BRMS1: variants seen among roughly 807,000 people sequenced by gnomAD.
BRMS1 encodes breast cancer metastasis-suppressor 1.
In BRMS1, 26 loss-of-function variants were observed where a neutral mutation model predicts 40.4. That is an observed-to-expected ratio of 0.64 (90% CI 0.47 to 0.89). The LOEUF is 0.89. Among genes scored for constraint, BRMS1 ranks in the 40% least tolerant of loss-of-function variants. The pLI, the probability that BRMS1 is intolerant of heterozygous loss-of-function variation, is 0.00. For synonymous variants in BRMS1, 103 were observed against 116.0 expected (o/e 0.89, Z 0.72); for missense variants, 289 against 309.4 (o/e 0.93, Z 0.49).
chr11:66,338,578 G>A lies in BRMS1; in HGVS notation c.693+143C>T, dbSNP rs1246495941. The stretch of plus-strand genomic sequence containing the variant: ...CCGCCTTGAGCAAGAGGACTTGTGA[G>A]CCAACTGCGATCCAGGGACTCTGGG... On this transcript the variant is annotated intron_variant, in intron 8 of 9. Transcript: ENST00000359957. 7 of 1,552,230 alleles carry A rather than the reference G, an allele frequency of 4.5e-6. 1 individual carries two copies. The highest frequency in any genetic ancestry group is 1.9e-5 in the Admixed American group (1 of 51,818).
chr11:66,338,691 G>T (rs1379382422), intron 8 of BRMS1, 30 bp downstream of exon 8: 4 of 1,613,168 alleles, frequency 2.5e-6, no homozygotes, highest in Non-Finnish European at 3.4e-6. Context: ...CTGAGGTGGG[G>T]CAGGTCACGT....
Position 66,341,279 on chromosome 11 carries a change from A to G in BRMS1, c.285T>C (p.Ala95=), listed in dbSNP as rs762390912. 6.2e-7 allele frequency: 1 copy of G among 1,613,572 alleles called. No individual in the cohort carries two copies. The highest frequency in any genetic ancestry group is 1.1e-5 in the South Asian group (1 of 91,076). The change falls in exon 4 of 10, where the codon GCT becomes GCC. Residue 95 remains alanine (A), a synonymous_variant. Coordinates refer to ENST00000359957, the MANE Select transcript of BRMS1 (RefSeq NM_015399.4). The surrounding 1 kb of genome is among the most constrained non-coding windows in gnomAD (Gnocchi z 4.9). ...QLRLRLEEVG[A]ERAPEYTEPL... is the part of the protein sequence containing the mutation. ...GCTCCGTGTATTCAGGGGCTCTCTC[A>G]GCCCCCACTTCCTCCAGCCGCAACC...
Position 66,341,518 on chromosome 11 carries a change from T to C in BRMS1, c.230+15A>G. On this transcript the variant is annotated intron_variant, in intron 3 of 9. Transcript: ENST00000359957. This position sits in a 1 kb window ranked among gnomAD's most constrained non-coding sequence, Gnocchi z 4.9. ...AGATCCTCGCAGACCCAGCCCAAGG[T>C]GTCCCCACGCTCACTTCTCCTTTAG... is the stretch of plus-strand genomic sequence containing the variant. 6.2e-7 allele frequency: 1 copy of C among 1,613,378 alleles called. No homozygotes were observed. Among genetic ancestry groups the C allele is most frequent in the South Asian group, 1.1e-5 (1 of 91,068 alleles).
rs754723425 is a variant in BRMS1, at chr11:66,341,527, G to C, written c.230+6C>G. On this transcript the variant is annotated splice_donor_region_variant and intron_variant, in intron 3 of 9. Coordinates refer to ENST00000359957, the MANE Select transcript of BRMS1 (RefSeq NM_015399.4). The surrounding 1 kb of genome is among the most constrained non-coding windows in gnomAD (Gnocchi z 4.9). The stretch of plus-strand genomic sequence containing the variant: ...CAGACCCAGCCCAAGGTGTCCCCAC[G>C]CTCACTTCTCCTTTAGCTCCGAGAA... 1.9e-6 allele frequency: 3 copies of C among 1,613,590 alleles called. No individual in the cohort carries two copies. Among genetic ancestry groups the C allele is most frequent in the Non-Finnish European group, 2.5e-6 (3 of 1,179,674 alleles).
chr11:66,340,084 C>T (rs188771254), intron 7 of BRMS1, 37 bp downstream of exon 7: 1 of 1,589,624 alleles, frequency 6.3e-7, no homozygotes, highest in South Asian at 1.1e-5. Flanking sequence ...ACCCTTACAT[C>T]CTGCCCACTT....
At chr11:66,344,688 G>A (rs955653939) in intron 1 of BRMS1, 5 of 152,302 alleles carry the variant, frequency 3.3e-5, no homozygotes, top group Admixed American at 2.0e-4. Flanking sequence ...CTGTACACAG[G>A]CAATTTATCT....
chr11:66,337,934 T>G (rs542023167), intron 9 of BRMS1, 45 bp from the exon 10 acceptor site: 1 of 1,583,646 alleles, frequency 6.3e-7, no homozygotes, highest in Non-Finnish European at 8.6e-7. Context: ...GTTAGGAAGC[T>G]GAAAGGAAGG....
At chr11:66,338,565 A>G (rs1854991656) in intron 8 of BRMS1, 156 bp downstream of exon 8, 2 of 1,546,212 alleles carry the variant, frequency 1.3e-6, no homozygotes. Context: ...GCCTTGAGCA[A>G]GAGGACTTGT....
intron 8 of BRMS1, 43 bp downstream of exon 8, chr11:66,338,678 G>A (rs1457757102): frequency 1.1e-5 from 17 of 1,613,304 alleles, no homozygotes; most frequent in Admixed American, 1.7e-5. Flanking sequence ...AGGGTGGGGG[G>A]CCCTGAGGTG....
Position 66,340,767 on chromosome 11 carries a change from C to G in BRMS1, c.535+7G>C, listed in dbSNP as rs748352609. 11 of 1,608,814 alleles carry G rather than the reference C, an allele frequency of 6.8e-6. No homozygotes were observed. Among genetic ancestry groups the G allele is most frequent in the East Asian group, 2.2e-5 (1 of 44,840 alleles). Reference sequence around the variant, plus strand: ...CAGTTCCGGGGTGCCCAGGCTCTCGCGCTTACCAGAGCTGAGGTCCAGGCT... The same window carrying G: ...CAGTTCCGGGGTGCCCAGGCTCTCGGGCTTACCAGAGCTGAGGTCCAGGCT... On this transcript the variant is annotated splice_region_variant and intron_variant, in intron 6 of 9. Coordinates refer to ENST00000359957, the MANE Select transcript of BRMS1 (RefSeq NM_015399.4).
At chr11:66,338,669 G>T (rs756382108) in intron 8 of BRMS1, 52 bp downstream of exon 8, 2 of 1,613,356 alleles carry the variant, frequency 1.2e-6, no homozygotes, top group African/African-American at 1.3e-5. Context: ...GCTGCTGCCA[G>T]GGTGGGGGGC....
chr11:66,343,812 C>A (rs1050809078), intron 1 of BRMS1, among the ~76,000 whole-genome samples: 1 of 151,716 alleles, frequency 6.6e-6, no homozygotes, highest in Admixed American at 6.6e-5. Flanking sequence ...ACCAAAGGGG[C>A]AGATGAGGAG....
chr11:66,338,522 T>G, intron 8 of BRMS1, 199 bp downstream of exon 8: 1 of 1,492,380 alleles, frequency 6.7e-7, no homozygotes, highest in Non-Finnish European at 8.9e-7. Flanking sequence ...GGGAAGGGGC[T>G]GACACAGACT....
chr11:66,340,295 C>T (rs1855037648), intron 6 of BRMS1, 82 bp from the exon 7 acceptor site: 1 of 1,270,154 alleles, frequency 7.9e-7, no homozygotes, highest in Non-Finnish European at 1.1e-6. Flanking sequence ...CCACCATGGG[C>T]CGGCCTGGCC....
Position 66,341,576 on chromosome 11 carries a change from C to T in BRMS1, c.187G>A (p.Glu63Lys), listed in dbSNP as rs1429183916. 3.7e-6 allele frequency: 6 copies of T among 1,614,032 alleles called. No individual in the cohort carries two copies. Among genetic ancestry groups the T allele is most frequent in the Non-Finnish European group, 5.1e-6 (6 of 1,180,044 alleles). Reference sequence around the variant, plus strand: ...AACTGCTTCTCTAGGTCCAGCATCTCACTGACACACTCGCTGCGGCGTCGC... The same window carrying T: ...AACTGCTTCTCTAGGTCCAGCATCTTACTGACACACTCGCTGCGGCGTCGC... ...YERRRSECVS[E>K]MLDLEKQFSE... is the part of the protein sequence containing the mutation. The change falls in exon 3 of 10, where the codon GAG becomes AAG. Residue 63 changes from glutamate (E) to lysine (K), a missense_variant. Physicochemically the swap from Glu to Lys is moderately conservative, Grantham distance 56. Transcript: ENST00000359957. The surrounding 1 kb of genome is among the most constrained non-coding windows in gnomAD (Gnocchi z 4.9).
chr11:66,338,347 C>T, intron 8 of BRMS1, 65 bp from the exon 9 acceptor site: 1 of 1,557,636 alleles, frequency 6.4e-7, no homozygotes, highest in Non-Finnish European at 8.7e-7. Flanking sequence ...CCTGCCCCAC[C>T]CCCCACCTCT....
Position 66,341,715 on chromosome 11 carries a change from G to GCGCGT in BRMS1, c.140-93_140-92insACGCG. The GCGCGT allele has an allele frequency of 9.5e-7, 1 of 1,054,330 alleles. No homozygotes were observed. Among genetic ancestry groups the GCGCGT allele is most frequent in the Non-Finnish European group, 1.5e-6 (1 of 677,814 alleles). The allele number at this position is 1,054,330 out of a possible 1,614,324, so 65.3% of individuals were successfully genotyped here. A position where few individuals can be genotyped will look rare whatever the true frequency, so the allele number is the denominator to read the frequency against. On this transcript the variant is annotated intron_variant, in intron 2 of 9. Coordinates refer to ENST00000359957, the MANE Select transcript of BRMS1 (RefSeq NM_015399.4). This position sits in a 1 kb window ranked among gnomAD's most constrained non-coding sequence, Gnocchi z 4.9. The stretch of plus-strand genomic sequence containing the variant: ...GCGTCCTGCATGTGTGTGTGTGCAT[G>GCGCGT]CATGCCTGTGTGTAGGGCCTGTGTG...
At chr11:66,342,713 C>T (rs1855114903) in intron 1 of BRMS1, among the ~76,000 whole-genome samples, 2 of 152,176 alleles carry the variant, frequency 1.3e-5, no homozygotes, top group Non-Finnish European at 2.9e-5. Context: ...TTACAGGCGC[C>T]CGCACCACAC....
rs775039809 is a variant in BRMS1, at chr11:66,341,167, G to A, written c.358+39C>T. 1 of 1,611,262 alleles carries A rather than the reference G, an allele frequency of 6.2e-7. No individual in the cohort carries two copies. Among genetic ancestry groups the A allele is most frequent in the South Asian group, 1.1e-5 (1 of 91,054 alleles). ...AGAGGAAGGGGACAGGGTGCCACGGGTTCTGGGAGGGGAAGAGGGTACAGA... is the reference window on the plus strand; with the variant it reads ...AGAGGAAGGGGACAGGGTGCCACGGATTCTGGGAGGGGAAGAGGGTACAGA... On this transcript the variant is annotated intron_variant, in intron 4 of 9. Coordinates refer to ENST00000359957, the MANE Select transcript of BRMS1 (RefSeq NM_015399.4). The surrounding 1 kb of genome is among the most constrained non-coding windows in gnomAD (Gnocchi z 4.9).
Sources: gnomAD v4.1 joint callset for allele counts (sites outside exome capture counted in the v4.1 genomes callset) on GRCh38, gnomAD v4.1.1 for gene constraint, Gnocchi (gnomAD v3.1) non-coding constraint, MANE v1.5 for transcripts, NCBI Gene and HGNC (gene_info 2026-07-23, HGNC 2026-07-21) for gene names.